Variants in EXT1 observed in about 807,000 individuals in gnomAD.
The protein encoded by EXT1 is exostosin glycosyltransferase 1.
A neutral mutation model predicts 82.5 loss-of-function variants in EXT1; 20 were observed. The ratio of observed to expected loss-of-function variants is 0.24; its 90% CI spans 0.17 to 0.35. The LOEUF (loss-of-function observed/expected upper bound fraction) is 0.35, where lower values mean the gene tolerates loss of function less well. Among genes scored for constraint, EXT1 ranks in the 10% least tolerant of loss-of-function variants. The pLI is 1.00. For synonymous variants in EXT1, 348 were observed against 350.8 expected (o/e 0.99, Z 0.09); for missense variants, 757 against 936.5 (o/e 0.81, Z 2.50).
chr8:118,093,914 C>T (rs1428067294), intron 1 of EXT1, among the ~76,000 whole-genome samples: 1 of 152,214 alleles, frequency 6.6e-6, no homozygotes, highest in Non-Finnish European at 1.5e-5. Flanking sequence ...CAAGAAGAAG[C>T]CATCAGTTGT....
intron 1 of EXT1, among the ~76,000 whole-genome samples, chr8:117,847,821 G>A (rs1029762950): frequency 3.5e-4 from 53 of 152,180 alleles, no homozygotes; most frequent in African/African-American, 1.2e-3. Flanking sequence ...AGTCTGTCCC[G>A]TGACCTGCAT....
chr8:118,009,754 G>A (rs1815856030), intron 1 of EXT1, among the ~76,000 whole-genome samples: 1 of 152,198 alleles, frequency 6.6e-6, no homozygotes, highest in Non-Finnish European at 1.5e-5. Flanking sequence ...CCTTATGAGA[G>A]TCTAACTACT....
chr8:118,013,222 G>C (rs1421344470), intron 1 of EXT1, among the ~76,000 whole-genome samples: 4 of 151,794 alleles, frequency 2.6e-5, no homozygotes, highest in Non-Finnish European at 5.9e-5. Flanking sequence ...TGTTGTTGCT[G>C]TTGTTGAGAC....
At chr8:117,976,809 G>A (rs868003637) in intron 1 of EXT1, among the ~76,000 whole-genome samples, 4 of 152,174 alleles carry the variant, frequency 2.6e-5, no homozygotes, top group Admixed American at 6.5e-5. Flanking sequence ...GAGGGGCTTG[G>A]AGGTGAAGAA....
chr8:118,022,112 C>T (rs868073043), intron 1 of EXT1, among the ~76,000 whole-genome samples: 47 of 152,168 alleles, frequency 3.1e-4, no homozygotes, highest in Admixed American at 1.7e-3. Flanking sequence ...AGTAAGCCTT[C>T]CAACTCACAA....
intron 1 of EXT1, among the ~76,000 whole-genome samples, chr8:118,106,754 A>AT (rs1817808672): frequency 6.6e-6 from 1 of 152,232 alleles, no homozygotes; most frequent in South Asian, 2.1e-4. Context: ...ATAAGGATGC[A>AT]TAAGTAGCTG....
intron 1 of EXT1, among the ~76,000 whole-genome samples, chr8:117,881,242 C>G (rs541538712): frequency 2.0e-5 from 3 of 152,046 alleles, no homozygotes; most frequent in Admixed American, 1.3e-4. Flanking sequence ...AAAATGTCAC[C>G]GTTTAATGGT....
chr8:117,849,040 G>T (rs4612367), intron 1 of EXT1, among the ~76,000 whole-genome samples: 150,542 of 152,340 alleles, frequency 0.99, 74,456 homozygotes, highest in African/African-American at 1. Flanking sequence ...TACAAAGTCC[G>T]GCTCTCAATT....
chr8:118,011,256 G>A lies in EXT1; in HGVS notation c.962+98829C>T, dbSNP rs148083246. Among the ~76,000 whole-genome samples, 159 of 152,178 alleles carry A rather than the reference G, an allele frequency of 1.0e-3. 1 individual carries two copies. Among genetic ancestry groups the A allele is most frequent in the African/African-American group, 3.6e-3 (150 of 41,506 alleles). On this transcript the variant is annotated intron_variant, in intron 1 of 10. Coordinates refer to ENST00000378204, the MANE Select transcript of EXT1 (RefSeq NM_000127.3). ...CTGCTTTGTCTGTTACCGACTTCCCGGTCCAGAATGGAAGCTACAAAGAGG... is the reference window on the plus strand; with the variant it reads ...CTGCTTTGTCTGTTACCGACTTCCCAGTCCAGAATGGAAGCTACAAAGAGG...
At chr8:117,854,475 C>T (rs767849461) in intron 1 of EXT1, among the ~76,000 whole-genome samples, 42 of 151,974 alleles carry the variant, frequency 2.8e-4, no homozygotes, top group Non-Finnish European at 5.0e-4. Context: ...CACACACACA[C>T]CATATATATA....
intron 1 of EXT1, among the ~76,000 whole-genome samples, chr8:118,032,340 T>G (rs546736176): frequency 6.6e-6 from 1 of 151,842 alleles, no homozygotes; most frequent in African/African-American, 2.4e-5. Flanking sequence ...TCCAGCAATC[T>G]GTGCTCCACA....
At chr8:117,904,923 G>A (rs1316395184) in intron 1 of EXT1, among the ~76,000 whole-genome samples, 1 of 152,128 alleles carries the variant, frequency 6.6e-6, no homozygotes, top group Non-Finnish European at 1.5e-5. Flanking sequence ...ATTTACTCTA[G>A]GAAGTGGTAA....
At chr8:118,087,736 T>G (rs1323723882) in intron 1 of EXT1, among the ~76,000 whole-genome samples, 6 of 152,320 alleles carry the variant, frequency 3.9e-5, no homozygotes, top group South Asian at 4.1e-4. Context: ...TGGGAAGCAT[T>G]TGTTCTTATT....
In EXT1 at chr8:118,093,689, T is replaced by C. The variant is rs28357323; in HGVS notation, c.962+16396A>G. Among the ~76,000 whole-genome samples, 270 of 152,344 alleles carry C rather than the reference T, an allele frequency of 1.8e-3. 6 individuals carry two copies. In the East Asian group the frequency reaches 0.043, roughly 24 times the overall value. On this transcript the variant is annotated intron_variant, in intron 1 of 10. Coordinates refer to ENST00000378204, the MANE Select transcript of EXT1 (RefSeq NM_000127.3). ...GCTCTTACAATGTGTTTATTCATAA[T>C]TGCAGCTTTGTCTCCTGAGAAAAAG...
chr8:117,962,564 C>T (rs1814722003), intron 1 of EXT1, among the ~76,000 whole-genome samples: 1 of 152,162 alleles, frequency 6.6e-6, no homozygotes, highest in African/African-American at 2.4e-5. Context: ...CCAGCCTGGC[C>T]AACATGGTGA....
intron 1 of EXT1, among the ~76,000 whole-genome samples, chr8:117,910,366 T>C (rs183287378): frequency 2.6e-5 from 4 of 152,326 alleles, no homozygotes; most frequent in South Asian, 4.1e-4. Context: ...ATCTGTCTCC[T>C]GGCTAGGCAC....
intron 7 of EXT1, among the ~76,000 whole-genome samples, chr8:117,815,879 G>A (rs1326182305): frequency 6.7e-6 from 1 of 148,870 alleles, no homozygotes; most frequent in East Asian, 2.0e-4. Context: ...GCAGTGAGCC[G>A]ATATCATGCC....
At chr8:117,897,793 A>G (rs1220847537) in intron 1 of EXT1, among the ~76,000 whole-genome samples, 1 of 151,496 alleles carries the variant, frequency 6.6e-6, no homozygotes, top group Non-Finnish European at 1.5e-5. Flanking sequence ...TGAGGTTTCG[A>G]GGTTTCACCA....
Position 117,799,275 on chromosome 8 carries a change from T to C in EXT1, c.*437A>G, listed in dbSNP as rs1278254915. 5.2e-6 allele frequency: 1 copy of C among 192,970 alleles called. No individual in the cohort carries two copies. The highest frequency in any genetic ancestry group is 1.1e-5 in the Non-Finnish European group (1 of 91,064). 12.0% of individuals were successfully genotyped at this position (192,970 alleles called of 1,614,324 possible). ...TGTGTTTTCCACGAAGTTTGAGCTT[T>C]TGAAACTGCAGGGCACCCTACATGG... On this transcript the variant is annotated 3_prime_UTR_variant, in exon 11 of 11. Transcript: ENST00000378204.
Sources: gnomAD v4.1 joint callset for allele counts (sites outside exome capture counted in the v4.1 genomes callset) on GRCh38, gnomAD v4.1.1 for gene constraint, MANE v1.5 for transcripts, NCBI Gene and HGNC (gene_info 2026-07-23, HGNC 2026-07-21) for gene names.